BANK1: variants seen among roughly 807,000 people sequenced by gnomAD.
BANK1 encodes B cell scaffold protein with ankyrin repeats 1.
In BANK1, 95 loss-of-function variants were observed where a neutral mutation model predicts 94.5. That is an observed-to-expected ratio of 1.00 (90% CI 0.85 to 1.19). The LOEUF is 1.19. Ranked by LOEUF, BANK1 falls within the 50% of genes most tolerant of loss-of-function variation. The pLI is 0.00. For missense variants in BANK1, 987 were observed against 932.2 expected (o/e 1.06, Z -0.77); for synonymous variants, 334 against 308.4 (o/e 1.08, Z -0.87).
chr4:102,023,504 C>G (rs866263638), intron 8 of BANK1, among the ~76,000 whole-genome samples: 4 of 152,232 alleles, frequency 2.6e-5, no homozygotes, highest in Middle Eastern at 6.8e-3. Context: ...CAGTTTGAAA[C>G]TACAAACTCT....
chr4:101,864,939 G>A (rs1023265909), intron 4 of BANK1, among the ~76,000 whole-genome samples: 17 of 152,236 alleles, frequency 1.1e-4, no homozygotes, highest in Admixed American at 5.2e-4. Context: ...GAAGAGAGAA[G>A]GGAGACCTTT....
intron 7 of BANK1, among the ~76,000 whole-genome samples, chr4:101,965,920 T>C (rs991787845): frequency 6.6e-6 from 1 of 152,092 alleles, no homozygotes; most frequent in East Asian, 1.9e-4. Flanking sequence ...TCAGGAAGCT[T>C]TGATAATCCT....
intron 14 of BANK1, among the ~76,000 whole-genome samples, chr4:102,072,083 C>T (rs1728780424): frequency 1.3e-5 from 2 of 152,162 alleles, no homozygotes; most frequent in Admixed American, 1.3e-4. Flanking sequence ...GGTTGTTACT[C>T]AGAGGTGTTG....
chr4:101,916,616 G>A (rs964482658), intron 6 of BANK1, among the ~76,000 whole-genome samples: 2 of 151,976 alleles, frequency 1.3e-5, no homozygotes, highest in Non-Finnish European at 2.9e-5. Flanking sequence ...ACAAACAAAT[G>A]TATGACTTGA....
At chr4:101,968,100 AGAT>A (rs1253852639) in intron 7 of BANK1, among the ~76,000 whole-genome samples, 1 of 152,032 alleles carries the variant, frequency 6.6e-6, no homozygotes, top group Non-Finnish European at 1.5e-5. Context: ...AGGTACCCAC[AGAT>A]GATAAGAAGA....
At chr4:101,853,227 A>T (rs1381589133) in intron 2 of BANK1, among the ~76,000 whole-genome samples, 1 of 152,242 alleles carries the variant, frequency 6.6e-6, no homozygotes, top group Non-Finnish European at 1.5e-5. Context: ...CATAAGACAG[A>T]AGAAAACAAG....
chr4:101,914,027 T>G (rs1722750262), intron 6 of BANK1, among the ~76,000 whole-genome samples: 1 of 152,164 alleles, frequency 6.6e-6, no homozygotes, highest in Non-Finnish European at 1.5e-5. Flanking sequence ...TATCAAAAAT[T>G]TTCAAATGTA....
At chr4:101,896,368 G>T (rs1331633514) in intron 6 of BANK1, among the ~76,000 whole-genome samples, 2 of 151,914 alleles carry the variant, frequency 1.3e-5, no homozygotes, top group East Asian at 3.9e-4. Flanking sequence ...TTTATTTTCT[G>T]TAGGGTTTCT....
chr4:101,856,340 T>A (rs534184691), intron 3 of BANK1, among the ~76,000 whole-genome samples: 1 of 152,036 alleles, frequency 6.6e-6, no homozygotes, highest in Non-Finnish European at 1.5e-5. Flanking sequence ...ATGAGGAAAC[T>A]GACACAGATG....
intron 6 of BANK1, among the ~76,000 whole-genome samples, chr4:101,907,128 G>T (rs1217448279): frequency 6.6e-6 from 1 of 152,180 alleles, no homozygotes; most frequent in Non-Finnish European, 1.5e-5. Context: ...ACTGCAGCAG[G>T]AACATGTCCT....
At chr4:101,830,997 T>C (rs1015257059) in intron 2 of BANK1, among the ~76,000 whole-genome samples, 1 of 152,186 alleles carries the variant, frequency 6.6e-6, no homozygotes, top group Non-Finnish European at 1.5e-5. Flanking sequence ...TCTTAATAAG[T>C]CAAATAGTCC....
chr4:101,991,641 A>G (rs1455599120), intron 7 of BANK1, among the ~76,000 whole-genome samples: 1 of 152,206 alleles, frequency 6.6e-6, no homozygotes, highest in Non-Finnish European at 1.5e-5. Flanking sequence ...AATTCATACA[A>G]GCCTCATGCC....
At chr4:102,027,997 A>C (rs138772591) in intron 9 of BANK1, among the ~76,000 whole-genome samples, 141 of 152,272 alleles carry the variant, frequency 9.3e-4, no homozygotes, top group African/African-American at 3.2e-3. Context: ...GATTTGTTTT[A>C]ATCTTTCTTT....
intron 6 of BANK1, among the ~76,000 whole-genome samples, chr4:101,913,494 C>G (rs751794146): frequency 1.2e-4 from 18 of 152,330 alleles, no homozygotes; most frequent in Non-Finnish European, 2.1e-4. Flanking sequence ...TACCTCCACA[C>G]ATGGACCGCA....
chr4:101,927,462 A>G (rs767406735), intron 7 of BANK1, among the ~76,000 whole-genome samples: 1 of 151,660 alleles, frequency 6.6e-6, no homozygotes, highest in Non-Finnish European at 1.5e-5. Flanking sequence ...AGTCACAACT[A>G]TATTGATCAC....
chr4:101,917,444 T>C (rs1394535808), intron 6 of BANK1, among the ~76,000 whole-genome samples: 3 of 152,004 alleles, frequency 2.0e-5, no homozygotes, highest in African/African-American at 7.2e-5. Flanking sequence ...AAAATCCAGA[T>C]GGAAATTTCC....
At chr4:101,985,584 G>A (rs1725457911) in intron 7 of BANK1, among the ~76,000 whole-genome samples, 1 of 151,962 alleles carries the variant, frequency 6.6e-6, no homozygotes, top group Non-Finnish European at 1.5e-5. Context: ...AGTGCTACTT[G>A]CTAATGTTAT....
At chr4:102,035,553 C>A (rs1459268204) in intron 10 of BANK1, among the ~76,000 whole-genome samples, 4 of 150,382 alleles carry the variant, frequency 2.7e-5, no homozygotes, top group African/African-American at 9.8e-5. Context: ...GAGGCTGAGG[C>A]AGGAGAATGG....
intron 5 of BANK1, among the ~76,000 whole-genome samples, chr4:101,879,560 A>G (rs1387190849): frequency 1.3e-5 from 2 of 152,038 alleles, no homozygotes; most frequent in Non-Finnish European, 2.9e-5. Flanking sequence ...TATTCTGAAA[A>G]ATAGAGGGGG....
Sources: gnomAD v4.1 joint callset for allele counts (sites outside exome capture counted in the v4.1 genomes callset) on GRCh38, gnomAD v4.1.1 for gene constraint, MANE v1.5 for transcripts, NCBI Gene and HGNC (gene_info 2026-07-23, HGNC 2026-07-21) for gene names.